Variants in CACNA2D1 observed in about 807,000 individuals in gnomAD.
The protein encoded by CACNA2D1 is voltage-dependent calcium channel subunit alpha-2/delta-1.
Under a neutral mutation model 171.5 loss-of-function variants are expected in CACNA2D1, and 53 were observed. The ratio of observed to expected loss-of-function variants is 0.31; its 90% CI spans 0.25 to 0.39. CACNA2D1 has a LOEUF of 0.39. Ranked by LOEUF, CACNA2D1 falls within the 10% of genes least tolerant of loss-of-function variation. The pLI is 1.00. For missense variants in CACNA2D1, 903 were observed against 1,299.8 expected (o/e 0.69, Z 4.69); for synonymous variants, 442 against 443.1 (o/e 1.00, Z 0.03).
At chr7:82,410,410 C>A (rs1362108646) in intron 1 of CACNA2D1, 10 of 468,576 alleles carry the variant, frequency 2.1e-5, no homozygotes, top group Non-Finnish European at 2.8e-5. Flanking sequence ...TTTATCACTT[C>A]TGTACTGCTA....
rs571836061 is a variant in CACNA2D1, at chr7:82,075,849, A to G, written c.658+8920T>C. ...TTCTATGCATCTAAAAATGAATGGC[A>G]TAAGTACAGAAATTTGGTAACACAG... On this transcript the variant is annotated intron_variant, in intron 7 of 38. Transcript: ENST00000356860. 3.9e-5 allele frequency among the ~76,000 whole-genome samples: 6 copies of G among 152,348 alleles called. No homozygotes were observed. In the South Asian group the frequency reaches 8.3e-4, roughly 21 times the overall value.
At chr7:82,320,925 T>C (rs1246417098) in intron 3 of CACNA2D1, among the ~76,000 whole-genome samples, 4 of 50,960 alleles carry the variant, frequency 7.8e-5, no homozygotes, top group African/African-American at 1.4e-4. Flanking sequence ...TATAAGTTAA[T>C]GGCTTATATA....
chr7:81,968,365 C>T (rs182436950), intron 29 of CACNA2D1, among the ~76,000 whole-genome samples: 123 of 151,418 alleles, frequency 8.1e-4, no homozygotes, highest in African/African-American at 2.8e-3. Context: ...GTTTACTTGC[C>T]TATTTTTCCA....
At chr7:82,050,717 G>C (rs1805100231) in intron 10 of CACNA2D1, 1 of 685,174 alleles carries the variant, frequency 1.5e-6, no homozygotes, top group African/African-American at 1.8e-5. Context: ...CCAACAGTTG[G>C]TGGAAAAATG....
At chr7:82,213,777 CT>C (rs995362856) in intron 3 of CACNA2D1, among the ~76,000 whole-genome samples, 4 of 151,890 alleles carry the variant, frequency 2.6e-5, no homozygotes, top group Non-Finnish European at 5.9e-5. Flanking sequence ...CAGACTCAGG[CT>C]TTTTTTTAGC....
At chr7:82,147,403 C>A (rs190969872) in intron 4 of CACNA2D1, among the ~76,000 whole-genome samples, 18 of 152,240 alleles carry the variant, frequency 1.2e-4, no homozygotes, top group Admixed American at 1.1e-3. Flanking sequence ...TTATTTTCCT[C>A]AGGCACCAAA....
intron 2 of CACNA2D1, among the ~76,000 whole-genome samples, chr7:82,337,530 T>G (rs144895788): frequency 6.6e-6 from 1 of 152,354 alleles, no homozygotes; most frequent in African/African-American, 2.4e-5. Context: ...CAATATTTCA[T>G]ATATTAATAT....
At chr7:82,120,897 GTTTAAACATTAC>G (rs1205282156) in intron 5 of CACNA2D1, among the ~76,000 whole-genome samples, 106 of 137,414 alleles carry the variant, frequency 7.7e-4, no homozygotes, top group Middle Eastern at 3.7e-3. Flanking sequence ...AAAAAAGAAT[GTTTAAACATTAC>G]TTTAAACATT....
At chr7:82,099,418 C>CCTT (rs756929809) in intron 6 of CACNA2D1, among the ~76,000 whole-genome samples, 2 of 64,958 alleles carry the variant, frequency 3.1e-5, no homozygotes, top group African/African-American at 4.9e-5. Context: ...GGTAGCAATA[C>CCTT]CTTCTTTTTT....
intron 2 of CACNA2D1, among the ~76,000 whole-genome samples, chr7:82,336,622 T>C (rs1818030938): frequency 6.6e-6 from 1 of 152,190 alleles, no homozygotes; most frequent in African/African-American, 2.4e-5. Context: ...TTATGCTTTC[T>C]GCTAAGAAGC....
chr7:82,252,631 C>T (rs1805784148), intron 3 of CACNA2D1, among the ~76,000 whole-genome samples: 1 of 152,174 alleles, frequency 6.6e-6, no homozygotes, highest in Non-Finnish European at 1.5e-5. Context: ...GTGGCTCACG[C>T]CTGTAATCCC....
At chr7:82,258,792 A>ATTTC (rs921836373) in intron 3 of CACNA2D1, among the ~76,000 whole-genome samples, 10 of 100,706 alleles carry the variant, frequency 9.9e-5, no homozygotes, top group South Asian at 6.2e-4. Flanking sequence ...GAAGGTTAAA[A>ATTTC]TTTCTTTCTT....
intron 7 of CACNA2D1, among the ~76,000 whole-genome samples, chr7:82,075,233 C>A (rs1808820941): frequency 6.6e-6 from 1 of 150,450 alleles, no homozygotes; most frequent in African/African-American, 2.4e-5. Flanking sequence ...AAAAAAAAAA[C>A]CCTTATTACA....
intron 3 of CACNA2D1, among the ~76,000 whole-genome samples, chr7:82,232,540 G>T (rs574599415): frequency 6.6e-6 from 1 of 152,058 alleles, no homozygotes; most frequent in East Asian, 1.9e-4. Context: ...AATAATAATT[G>T]CCCCTGTTTT....
At chr7:82,202,330 C>T (rs960451914) in intron 3 of CACNA2D1, among the ~76,000 whole-genome samples, 9 of 152,154 alleles carry the variant, frequency 5.9e-5, no homozygotes, top group African/African-American at 2.2e-4. Flanking sequence ...TCCCCTCGGT[C>T]CTCAGCTTGG....
intron 1 of CACNA2D1, among the ~76,000 whole-genome samples, chr7:82,400,308 A>G (rs923076914): frequency 1.2e-4 from 18 of 151,522 alleles, no homozygotes; most frequent in Admixed American, 5.3e-4. Context: ...GGCCATTTTC[A>G]CGATATTGAT....
chr7:82,156,420 CA>C (rs1332464544), intron 4 of CACNA2D1, among the ~76,000 whole-genome samples: 2 of 152,124 alleles, frequency 1.3e-5, no homozygotes, highest in African/African-American at 4.8e-5. Context: ...TGCTATAGAT[CA>C]GTCTTTTCCA....
At chr7:82,060,382 G>A in intron 10 of CACNA2D1, 46 bp downstream of exon 10, 1 of 1,292,390 alleles carries the variant, frequency 7.7e-7, no homozygotes, top group Non-Finnish European at 1.1e-6. Context: ...GGAGAAGATA[G>A]AAATTGCAAA....
At chr7:82,234,896 G>T (rs1803367888) in intron 3 of CACNA2D1, among the ~76,000 whole-genome samples, 1 of 152,110 alleles carries the variant, frequency 6.6e-6, no homozygotes, top group Non-Finnish European at 1.5e-5. Flanking sequence ...ACTCACAACA[G>T]ACTTCTACCT....
Sources: allele counts gnomAD v4.1 joint callset (sites outside exome capture counted in the v4.1 genomes callset), GRCh38; gene constraint gnomAD v4.1.1; transcripts MANE v1.5; gene names NCBI Gene and HGNC (gene_info 2026-07-23, HGNC 2026-07-21).